SGMS1: variants seen among roughly 807,000 people sequenced by gnomAD.
SGMS1 encodes sphingomyelin synthase 1, also known as phosphatidylcholine:ceramide cholinephosphotransferase 1.
A neutral mutation model predicts 46.2 loss-of-function variants in SGMS1; 13 were observed. That is an observed-to-expected ratio of 0.28 (90% CI 0.18 to 0.45). The LOEUF (loss-of-function observed/expected upper bound fraction) is 0.45, where lower values mean the gene tolerates loss of function less well. Among genes scored for constraint, SGMS1 ranks in the 20% least tolerant of loss-of-function variants. The pLI is 1.00. For synonymous variants in SGMS1, 203 were observed against 187.8 expected (o/e 1.08, Z -0.66); for missense variants, 324 against 519.9 (o/e 0.62, Z 3.66).
chr10:50,376,384 G>T (rs188849906), intron 6 of SGMS1, among the ~76,000 whole-genome samples: 2 of 152,306 alleles, frequency 1.3e-5, no homozygotes, highest in East Asian at 1.9e-4. Context: ...GGCTGAGTTA[G>T]ATAGGGCAAC....
chr10:50,603,728 G>A (rs2131914834), intron 1 of SGMS1, among the ~76,000 whole-genome samples: 1 of 152,328 alleles, frequency 6.6e-6, no homozygotes, highest in South Asian at 2.1e-4. Context: ...GGACCTTAAT[G>A]TTGTAGTCAG....
At chr10:50,619,132 C>CA (rs906966431) in intron 1 of SGMS1, among the ~76,000 whole-genome samples, 7 of 150,104 alleles carry the variant, frequency 4.7e-5, no homozygotes, top group East Asian at 1.9e-4. Flanking sequence ...GACTCTGTCT[C>CA]AAAAAAAAGA....
intron 2 of SGMS1, among the ~76,000 whole-genome samples, chr10:50,581,414 G>A (rs531144972): frequency 3.3e-5 from 5 of 152,136 alleles, no homozygotes; most frequent in Non-Finnish European, 7.3e-5. Context: ...ATATGAAATA[G>A]GATAACCAAC....
intron 2 of SGMS1, among the ~76,000 whole-genome samples, chr10:50,579,038 C>A (rs1482517522): frequency 6.6e-6 from 1 of 151,692 alleles, no homozygotes; most frequent in African/African-American, 2.4e-5. Flanking sequence ...GAAATAAAAA[C>A]TATGCAAAAA....
intron 5 of SGMS1, among the ~76,000 whole-genome samples, chr10:50,442,082 G>A (rs1849553079): frequency 6.6e-6 from 1 of 151,162 alleles, no homozygotes; most frequent in South Asian, 2.1e-4. Flanking sequence ...TTTAAGTTCT[G>A]GAACACATGT....
At chr10:50,399,816 CAGG>C (rs1469250445) in intron 6 of SGMS1, among the ~76,000 whole-genome samples, 1 of 152,030 alleles carries the variant, frequency 6.6e-6, no homozygotes, top group East Asian at 1.9e-4. Flanking sequence ...ATCACGAGGT[CAGG>C]AGATCGAGAC....
intron 1 of SGMS1, among the ~76,000 whole-genome samples, chr10:50,591,979 T>C (rs1377510677): frequency 1.3e-5 from 2 of 152,190 alleles, no homozygotes; most frequent in East Asian, 3.8e-4. Flanking sequence ...CCCGTGCACC[T>C]GGCTCTCAGG....
chr10:50,595,230 C>T (rs1480477946), intron 1 of SGMS1, among the ~76,000 whole-genome samples: 1 of 151,818 alleles, frequency 6.6e-6, no homozygotes, highest in African/African-American at 2.4e-5. Flanking sequence ...GGCTGGAGTG[C>T]AGTAGCACGA....
chr10:50,595,101 G>A (rs1588887344), intron 1 of SGMS1, among the ~76,000 whole-genome samples: 2 of 152,230 alleles, frequency 1.3e-5, no homozygotes, highest in East Asian at 1.9e-4. Context: ...GCCCTGCAAT[G>A]GTGATGATAG....
At chr10:50,325,065 A>G (rs969324302) in intron 8 of SGMS1, among the ~76,000 whole-genome samples, 4 of 152,236 alleles carry the variant, frequency 2.6e-5, no homozygotes, top group African/African-American at 9.6e-5. Context: ...CACCAATAGC[A>G]TTATGGTTTT....
chr10:50,558,635 C>A (rs1332527953), intron 2 of SGMS1, among the ~76,000 whole-genome samples: 1 of 152,152 alleles, frequency 6.6e-6, no homozygotes, highest in East Asian at 1.9e-4. Context: ...CGAATTTGAA[C>A]TACGTGGTCC....
chr10:50,386,925 G>T (rs1848692135), intron 6 of SGMS1, among the ~76,000 whole-genome samples: 1 of 152,124 alleles, frequency 6.6e-6, no homozygotes, highest in Non-Finnish European at 1.5e-5. Context: ...TACAAAAAGG[G>T]ATAAATGAAT....
intron 5 of SGMS1, among the ~76,000 whole-genome samples, chr10:50,458,339 C>CTCTT (rs1486288081): frequency 2.8e-4 from 27 of 97,138 alleles, no homozygotes; most frequent in Non-Finnish European, 4.0e-4. Context: ...TTCTTTTTCT[C>CTCTT]TTTTTTTTTT....
chr10:50,310,359 A>C (rs1031544257), intron 9 of SGMS1, among the ~76,000 whole-genome samples: 4 of 152,232 alleles, frequency 2.6e-5, no homozygotes, highest in Non-Finnish European at 5.9e-5. Context: ...GAGCATAATA[A>C]AATTTTCCAT....
chr10:50,473,966 TC>T (rs1225720114), intron 3 of SGMS1: 2 of 152,170 alleles, frequency 1.3e-5, no homozygotes, highest in East Asian at 3.8e-4. Flanking sequence ...GGAACTAGAA[TC>T]AAGAAACCCT....
Position 50,311,284 on chromosome 10 carries a change from A to C in SGMS1, c.873T>G (p.Leu291=). Residue 291 remains leucine (L), a synonymous_variant, in exon 9 of 11, where the codon CTT becomes CTG. Coordinates refer to ENST00000361781, the MANE Select transcript of SGMS1 (RefSeq NM_147156.4). The stretch of plus-strand genomic sequence containing the variant: ...TACACTCTTTGATAAATAAGTAGGT[A>C]AGTGTTAGCATGACCGTGTGGCCGC... The part of the protein sequence containing the change: ...LYSGHTVMLT[L]TYLFIKEYSP... The C allele has an allele frequency of 6.2e-7, 1 of 1,613,636 alleles. No homozygotes were observed. Among genetic ancestry groups the C allele is most frequent in the Non-Finnish European group, 8.5e-7 (1 of 1,179,726 alleles).
At chr10:50,569,102 T>C (rs1470717511) in intron 2 of SGMS1, among the ~76,000 whole-genome samples, 3 of 145,254 alleles carry the variant, frequency 2.1e-5, no homozygotes, top group East Asian at 4.1e-4. Flanking sequence ...AATTGAACAA[T>C]GAGAACACAT....
chr10:50,414,056 C>G (rs1277014810), intron 6 of SGMS1, among the ~76,000 whole-genome samples: 2 of 152,116 alleles, frequency 1.3e-5, no homozygotes, highest in Non-Finnish European at 2.9e-5. Flanking sequence ...GGTGAAGACG[C>G]CTATTGTTTT....
At chr10:50,536,103 G>A (rs1460185198) in intron 2 of SGMS1, among the ~76,000 whole-genome samples, 1 of 152,152 alleles carries the variant, frequency 6.6e-6, no homozygotes, top group Non-Finnish European at 1.5e-5. Flanking sequence ...GGAGGCTGAA[G>A]TCGAAAGATC....
Sources: allele counts gnomAD v4.1 joint callset (sites outside exome capture counted in the v4.1 genomes callset), GRCh38; gene constraint gnomAD v4.1.1; transcripts MANE v1.5; gene names NCBI Gene and HGNC (gene_info 2026-07-23, HGNC 2026-07-21).